Variants in UGT1A3 observed in about 807,000 individuals in gnomAD.
UGT1A3 encodes the protein UDP-glucuronosyltransferase 1A3.
Under a neutral mutation model 41.0 loss-of-function variants are expected in UGT1A3, and 31 were observed. That is an observed-to-expected ratio of 0.76 (90% CI 0.57 to 1.02). UGT1A3 has a LOEUF of 1.02. Among genes scored for constraint, UGT1A3 ranks in the 50% least tolerant of loss-of-function variants. UGT1A3 has a pLI of 0.00. For synonymous variants in UGT1A3, 262 were observed against 257.6 expected, an observed-to-expected ratio of 1.02 and a Z score of -0.17; for missense variants, 737 against 671.0, an observed-to-expected ratio of 1.10 and a Z score of -1.09.
chr2:233,768,873 C>T (rs952377610), intron 4 of UGT1A3, among the ~76,000 whole-genome samples: 1 of 151,950 alleles, frequency 6.6e-6, no homozygotes, highest in African/African-American at 2.4e-5. Flanking sequence ...CATGAGCCAG[C>T]GCGTCTGACC....
chr2:233,754,686 T>C, intron 1 of UGT1A3: 1 of 484,820 alleles, frequency 2.1e-6, no homozygotes, highest in Non-Finnish European at 4.0e-6. Flanking sequence ...ATCAACTATT[T>C]CAGTGGAAGT....
chr2:233,739,043 G>A (rs1411881573), intron 1 of UGT1A3: 2 of 152,288 alleles, frequency 1.3e-5, no homozygotes, highest in African/African-American at 4.8e-5. Flanking sequence ...CCAAGGTAGA[G>A]CTCAGGCCAT....
chr2:233,739,478 C>G (rs945148386), intron 1 of UGT1A3, among the ~76,000 whole-genome samples: 1 of 152,180 alleles, frequency 6.6e-6, no homozygotes, highest in African/African-American at 2.4e-5. Flanking sequence ...ACCGTGGGAG[C>G]CCATTTCTGG....
chr2:233,729,441 T>C lies in UGT1A3; in HGVS notation c.315T>C (p.His105=). Residue 105 remains histidine (H), a synonymous_variant, in exon 1 of 5, where the codon CAT becomes CAC. Transcript: ENST00000482026. ...CTCAACTGTACTTTGAAACAGAACATTTTCTGAAGAAATTTTTCAGAAGTA... is the reference window on the plus strand; with the variant it reads ...CTCAACTGTACTTTGAAACAGAACACTTTCTGAAGAAATTTTTCAGAAGTA... ...GHTQLYFETE[H]FLKKFFRSMA... 5 of 1,613,982 alleles carry C rather than the reference T, an allele frequency of 3.1e-6. No individual in the cohort carries two copies. The highest frequency in any genetic ancestry group is 4.2e-6 in the Non-Finnish European group (5 of 1,179,910).
intron 1 of UGT1A3, among the ~76,000 whole-genome samples, chr2:233,751,173 T>C (rs1694658856): frequency 6.6e-6 from 1 of 151,974 alleles, no homozygotes; most frequent in Non-Finnish European, 1.5e-5. Context: ...GACCTAGATA[T>C]GAGACATGAA....
intron 4 of UGT1A3, among the ~76,000 whole-genome samples, chr2:233,771,914 AAC>A (rs1700408525): frequency 6.6e-6 from 1 of 152,068 alleles, no homozygotes; most frequent in African/African-American, 2.4e-5. Flanking sequence ...TGATAATAGT[AAC>A]ACAGCCTGGG....
chr2:233,739,303 T>C (rs1302009262), intron 1 of UGT1A3, among the ~76,000 whole-genome samples: 34 of 152,248 alleles, frequency 2.2e-4, no homozygotes, highest in Non-Finnish European at 1.2e-4. Context: ...GGGCACTGCC[T>C]AGTGGAGTTG....
intron 1 of UGT1A3, among the ~76,000 whole-genome samples, chr2:233,766,238 C>T (rs1302165333): frequency 6.6e-6 from 1 of 151,910 alleles, no homozygotes; most frequent in Non-Finnish European, 1.5e-5. Flanking sequence ...GAAGGGTTTC[C>T]CCTGGAGTCA....
chr2:233,754,706 C>T, intron 1 of UGT1A3: 1 of 528,090 alleles, frequency 1.9e-6, no homozygotes, highest in South Asian at 1.5e-5. Context: ...TCGACATGGA[C>T]TTGAAGCTGC....
Position 233,760,789 on chromosome 2 carries a change from A to G in UGT1A3, c.868-6245A>G, listed in dbSNP as rs756010756. 3.7e-6 allele frequency: 6 copies of G among 1,613,282 alleles called. No homozygotes were observed. In the African/African-American group the frequency reaches 6.7e-5, roughly 18 times the overall value. On this transcript the variant is annotated intron_variant, in intron 1 of 4. Coordinates refer to ENST00000482026, the MANE Select transcript of UGT1A3 (RefSeq NM_019093.4). Reference sequence around the variant, plus strand: ...CGTGGCCCAGTACCTGTCTCTGCCCACTGTATTCTTCTTGCATGCACTGCC... The same window carrying G: ...CGTGGCCCAGTACCTGTCTCTGCCCGCTGTATTCTTCTTGCATGCACTGCC...
intron 1 of UGT1A3, chr2:233,755,125 C>T (rs1380878187): frequency 3.0e-6 from 4 of 1,325,936 alleles, no homozygotes; most frequent in Non-Finnish European, 4.1e-6. Flanking sequence ...GCCTCAGCCA[C>T]CTGCTTGAAT....
chr2:233,768,128 C>A, intron 3 of UGT1A3, 92 bp from the exon 4 acceptor site: 1 of 1,605,472 alleles, frequency 6.2e-7, no homozygotes, highest in Non-Finnish European at 8.5e-7. Context: ...GTGAGTAACA[C>A]TGAGTCTTTG....
In UGT1A3 at chr2:233,772,647, T is replaced by C. The variant is rs1430291963; in HGVS notation, c.*88T>C. 7 of 1,549,866 alleles carry C rather than the reference T, an allele frequency of 4.5e-6. No homozygotes were observed. In the African/African-American group the frequency reaches 5.5e-5, roughly 12 times the overall value. On this transcript the variant is annotated 3_prime_UTR_variant, in exon 5 of 5. Transcript: ENST00000482026. ...CAGAATCAGTGTTAAATTCATTTTATTCTTATTAAGGAAATACTTTGCATA... is the reference window on the plus strand; with the variant it reads ...CAGAATCAGTGTTAAATTCATTTTACTCTTATTAAGGAAATACTTTGCATA...
chr2:233,762,430 C>CCATAAA, intron 1 of UGT1A3, among the ~76,000 whole-genome samples: 1 of 152,296 alleles, frequency 6.6e-6, no homozygotes, highest in African/African-American at 2.4e-5. Context: ...AATAGAGTAA[C>CCATAAA]AGTGTATTCC....
intron 1 of UGT1A3, chr2:233,743,543 C>G: frequency 7.3e-7 from 1 of 1,367,070 alleles, no homozygotes; most frequent in Non-Finnish European, 9.8e-7. Context: ...TTCCTCTGAC[C>G]CCCCCAAAAT....
intron 1 of UGT1A3, among the ~76,000 whole-genome samples, chr2:233,757,535 A>AATATATATACATATATATAT (rs376887521): frequency 1.4e-3 from 127 of 87,896 alleles, no homozygotes; most frequent in Non-Finnish European, 1.8e-3. Context: ...GCCTGTAAGG[A>AATATATATACATATATATAT]ATATATATAT....
intron 1 of UGT1A3, among the ~76,000 whole-genome samples, chr2:233,757,931 A>G (rs552433381): frequency 6.6e-6 from 1 of 152,244 alleles, no homozygotes; most frequent in East Asian, 1.9e-4. Flanking sequence ...CCCCCAAAGC[A>G]AGACCATCAT....
chr2:233,766,281 G>A (rs1699102730), intron 1 of UGT1A3, among the ~76,000 whole-genome samples: 1 of 151,840 alleles, frequency 6.6e-6, no homozygotes. Context: ...GGTGGCCCGG[G>A]CTCGGTGGCC....
intron 1 of UGT1A3, chr2:233,743,566 G>A (rs532152836): frequency 7.3e-7 from 1 of 1,367,298 alleles, no homozygotes; most frequent in African/African-American, 1.5e-5. Context: ...TCTCCAGCGG[G>A]TTTCCCAAGA....
Sources: allele counts gnomAD v4.1 joint callset (sites outside exome capture counted in the v4.1 genomes callset), GRCh38; gene constraint gnomAD v4.1.1; transcripts MANE v1.5; gene names NCBI Gene and HGNC (gene_info 2026-07-23, HGNC 2026-07-21).